The following IGSF11 variants were observed in gnomAD, a reference collection of about 807,000 sequenced individuals.
IGSF11 encodes the protein immunoglobulin superfamily member 11.
Under a neutral mutation model 41.0 loss-of-function variants are expected in IGSF11, and 22 were observed. The ratio of observed to expected loss-of-function variants is 0.54; its 90% CI spans 0.38 to 0.77. The LOEUF (loss-of-function observed/expected upper bound fraction) is 0.77. Ranked by LOEUF, IGSF11 falls within the 30% of genes least tolerant of loss-of-function variation. The probability of loss-of-function intolerance (pLI) is 0.00; values close to 1 mark genes in which losing one functional copy is unlikely to be tolerated. For synonymous variants in IGSF11, 219 were observed against 201.3 expected (o/e 1.09, Z -0.74); for missense variants, 444 against 530.8 (o/e 0.84, Z 1.61).
intron 1 of IGSF11, among the ~76,000 whole-genome samples, chr3:119,122,788 A>G (rs1392830799): frequency 6.6e-6 from 1 of 152,196 alleles, no homozygotes; most frequent in Non-Finnish European, 1.5e-5. Context: ...ACTGCCTTGA[A>G]GGTCCCATCA....
chr3:119,094,048 A>G (rs2076807318), intron 1 of IGSF11, among the ~76,000 whole-genome samples: 1 of 151,652 alleles, frequency 6.6e-6, no homozygotes, highest in Non-Finnish European at 1.5e-5. Context: ...ATCTCGGTAA[A>G]TCACCTCATG....
intron 1 of IGSF11, among the ~76,000 whole-genome samples, chr3:118,943,984 G>C (rs1943915113): frequency 6.6e-6 from 1 of 152,176 alleles, no homozygotes; most frequent in African/African-American, 2.4e-5. Flanking sequence ...CAGGAAGGAT[G>C]TTACATTCTG....
chr3:118,929,556 A>T (rs1942652233), intron 2 of IGSF11, among the ~76,000 whole-genome samples: 1 of 152,226 alleles, frequency 6.6e-6, no homozygotes. Context: ...TATTTTCTGC[A>T]GTGAGTTCTA....
At chr3:118,969,120 GA>G (rs199686925) in intron 1 of IGSF11, among the ~76,000 whole-genome samples, 1,784 of 150,940 alleles carry the variant, frequency 0.012, 38 homozygotes, top group African/African-American at 0.041. Flanking sequence ...TCGAGTTGGA[GA>G]AAAAAAACAC....
intron 1 of IGSF11, among the ~76,000 whole-genome samples, chr3:119,064,631 AT>A (rs1201706722): frequency 1.6e-4 from 25 of 151,666 alleles, no homozygotes; most frequent in Admixed American, 1.6e-3. Context: ...TTGGGAAAAA[AT>A]ATCTTTATAA....
intron 1 of IGSF11, among the ~76,000 whole-genome samples, chr3:119,047,733 C>A (rs954413690): frequency 3.3e-5 from 5 of 151,978 alleles, no homozygotes; most frequent in African/African-American, 1.2e-4. Flanking sequence ...CCAAAATTGA[C>A]CACACACTTG....
At chr3:118,980,127 C>G (rs1486576308) in intron 1 of IGSF11, among the ~76,000 whole-genome samples, 1 of 152,046 alleles carries the variant, frequency 6.6e-6, no homozygotes, top group East Asian at 1.9e-4. Flanking sequence ...ACAACAACAA[C>G]AACCACAAAC....
intron 1 of IGSF11, among the ~76,000 whole-genome samples, chr3:119,004,939 G>C (rs1177469088): frequency 6.6e-6 from 1 of 151,796 alleles, no homozygotes; most frequent in Non-Finnish European, 1.5e-5. Context: ...TGTATATTCT[G>C]TTGATTTGGG....
chr3:118,993,747 C>T (rs1936010936), intron 1 of IGSF11, among the ~76,000 whole-genome samples: 1 of 152,014 alleles, frequency 6.6e-6, no homozygotes, highest in South Asian at 2.1e-4. Context: ...GTGAAAGAAG[C>T]CAGTCACAAA....
At chr3:119,071,376 G>A (rs1487381792) in intron 1 of IGSF11, among the ~76,000 whole-genome samples, 3 of 152,142 alleles carry the variant, frequency 2.0e-5, no homozygotes, top group East Asian at 1.9e-4. Flanking sequence ...TGCTTTTGGT[G>A]TCATATTTAA....
upstream of IGSF11, among the ~76,000 whole-genome samples, chr3:119,108,932 A>T (rs1182680605): frequency 5.3e-5 from 7 of 131,812 alleles, no homozygotes; most frequent in Admixed American, 3.3e-4. Context: ...CATCCCAGGG[A>T]TGAAGCCCAC....
chr3:119,070,690 C>T (rs191650594), intron 1 of IGSF11, among the ~76,000 whole-genome samples: 51 of 151,392 alleles, frequency 3.4e-4, no homozygotes, highest in Admixed American at 8.6e-4. Context: ...AATTTTTTTT[C>T]CTAAATGAAT....
At position 119,128,528 on chromosome 3, in the gene IGSF11, C is replaced by T. The variant is rs185989861; in HGVS notation, c.-14+17285G>A. On this transcript the variant is annotated intron_variant, in intron 1 of 7. Coordinates refer to the IGSF11 transcript ENST00000425327. The stretch of plus-strand genomic sequence containing the variant: ...AGCATCTTATGTGCAAAGACACACA[C>T]AGGCTCAAAATAAAGGGATGCAGGG... 8.7e-4 allele frequency among the ~76,000 whole-genome samples: 132 copies of T among 151,974 alleles called. 1 individual carries two copies. Among genetic ancestry groups the T allele is most frequent in the African/African-American group, 2.2e-3 (92 of 41,460 alleles).
chr3:119,048,698 A>T (rs1941480045), intron 1 of IGSF11, among the ~76,000 whole-genome samples: 1 of 152,130 alleles, frequency 6.6e-6, no homozygotes, highest in Non-Finnish European at 1.5e-5. Flanking sequence ...CAACAAAAAA[A>T]GACAATTTTA....
chr3:118,902,660 A>G lies in IGSF11; in HGVS notation c.1156T>C (p.Ser386Pro). 6.2e-7 allele frequency: 1 copy of G among 1,614,062 alleles called. No homozygotes were observed. The highest frequency in any genetic ancestry group is 8.5e-7 in the Non-Finnish European group (1 of 1,179,968). ...CTACTGACTGAGCCATTGCTCCTGG[A>G]CATCACCTGTGGTGATGACCCTCTG... ...ANRGSSPQVM[S>P]RSNGSVSRKP... Residue 386 changes from serine (S) to proline (P), a missense_variant, in exon 7 of 7, where the codon TCC (serine) becomes CCC (proline). By Grantham distance (74) the Ser-to-Pro change is moderately conservative. Around this residue, in one of 3 missense-constraint regions of IGSF11, gnomAD observed 223 missense variants for 226.2 expected, o/e 0.99. Coordinates refer to ENST00000393775, the MANE Select transcript of IGSF11 (RefSeq NM_001015887.3).
upstream of IGSF11, among the ~76,000 whole-genome samples, chr3:119,038,078 G>A (rs928950581): frequency 5.3e-5 from 8 of 152,098 alleles, no homozygotes; most frequent in African/African-American, 1.9e-4. Flanking sequence ...CTAGAGCACA[G>A]TTTGGTCCTT....
intron 1 of IGSF11, among the ~76,000 whole-genome samples, chr3:118,962,654 G>A (rs181104341): frequency 1.4e-4 from 22 of 152,208 alleles, no homozygotes; most frequent in Admixed American, 4.6e-4. Context: ...TAAAGAGCAA[G>A]ATCTGGAAAT....
intron 1 of IGSF11, among the ~76,000 whole-genome samples, chr3:118,989,321 C>T (rs1235823969): frequency 1.3e-5 from 2 of 151,962 alleles, no homozygotes; most frequent in African/African-American, 4.8e-5. Context: ...GCTAAATACA[C>T]ACGTTAAGAG....
intron 1 of IGSF11, among the ~76,000 whole-genome samples, chr3:119,118,348 G>A (rs990266858): frequency 3.9e-5 from 6 of 152,262 alleles, no homozygotes; most frequent in Admixed American, 1.3e-4. Context: ...GTGCACTAAC[G>A]GGGTCAACAC....
Sources: gnomAD v4.1 joint callset for allele counts (sites outside exome capture counted in the v4.1 genomes callset) on GRCh38, gnomAD v4.1.1 for gene constraint, gnomAD v4.1.1 regional missense constraint, MANE v1.5 for transcripts, NCBI Gene and HGNC (gene_info 2026-07-23, HGNC 2026-07-21) for gene names.